NBR1: variants seen among roughly 807,000 people sequenced by gnomAD.
The protein encoded by NBR1 is next to BRCA1 gene 1 protein.
Under a neutral mutation model 115.5 loss-of-function variants are expected in NBR1, and 59 were observed. The observed-to-expected ratio is 0.51, with a 90% CI of 0.41 to 0.63. The LOEUF (loss-of-function observed/expected upper bound fraction) is 0.63, where lower values mean the gene tolerates loss of function less well. Among genes scored for constraint, NBR1 ranks in the 30% least tolerant of loss-of-function variants. The probability of loss-of-function intolerance (pLI) is 0.00; values close to 1 mark genes in which losing one functional copy is unlikely to be tolerated. For synonymous variants in NBR1, 373 were observed against 414.7 expected (o/e 0.90, Z 1.22); for missense variants, 1,043 against 1,150.5 (o/e 0.91, Z 1.35).
chr17:43,177,282 A>AG, intron 2 of NBR1, among the ~76,000 whole-genome samples: 1 of 147,880 alleles, frequency 6.8e-6, no homozygotes, highest in Middle Eastern at 3.5e-3. Context: ...AAAAAAAAAA[A>AG]AAAAAAGATA....
rs1482728812 is a variant in NBR1, at chr17:43,211,292, A to T, written c.*1218A>T. 2.6e-5 allele frequency: 4 copies of T among 152,732 alleles called. No homozygotes were observed. Among genetic ancestry groups the T allele is most frequent in the Non-Finnish European group, 4.4e-5 (3 of 68,080 alleles). The allele number at this position is 152,732 out of a possible 1,614,324, so 9.5% of individuals were successfully genotyped here. A position where few individuals can be genotyped will look rare whatever the true frequency, so the allele number is the denominator to read the frequency against. On this transcript the variant is annotated 3_prime_UTR_variant, in exon 21 of 21. Coordinates refer to ENST00000590996, the MANE Select transcript of NBR1 (RefSeq NM_005899.5). ...GCTAAATATTTTATCCATGAAAATG[A>T]CTTCCAGAAAAGGAAGAATATGAAC...
At chr17:43,188,136 C>T (rs902036094) in intron 6 of NBR1, among the ~76,000 whole-genome samples, 5 of 151,830 alleles carry the variant, frequency 3.3e-5, no homozygotes, top group South Asian at 2.1e-4. Context: ...GTGGTCCACC[C>T]GCCTCAGCCT....
intron 16 of NBR1, among the ~76,000 whole-genome samples, chr17:43,198,898 G>C (rs545564962): frequency 1.3e-5 from 2 of 152,080 alleles, no homozygotes; most frequent in South Asian, 4.1e-4. Context: ...GGGAGGTGCA[G>C]CTTGCAGTGA....
At chr17:43,202,135 G>T (rs929627294) in intron 18 of NBR1, among the ~76,000 whole-genome samples, 1 of 137,786 alleles carries the variant, frequency 7.3e-6, no homozygotes, top group Non-Finnish European at 1.5e-5. Context: ...AGCCGAGATC[G>T]CACCATTGCT....
intron 1 of NBR1, among the ~76,000 whole-genome samples, chr17:43,172,777 A>G (rs1306693350): frequency 1.3e-5 from 2 of 152,196 alleles, no homozygotes; most frequent in African/African-American, 4.8e-5. Flanking sequence ...GCAGTGCATT[A>G]CATTGTGGAA....
chr17:43,189,622 A>C lies in NBR1; in HGVS notation c.515A>C (p.Lys172Thr). 1 of 1,614,026 alleles carries C rather than the reference A, an allele frequency of 6.2e-7. No individual in the cohort carries two copies. The highest frequency in any genetic ancestry group is 8.5e-7 in the Non-Finnish European group (1 of 1,179,874). ...REQVVNETVE[K>T]LEQKLHEKLV... ...CAAGTGGTTAACGAAACGGTTGAGAAGCTTGAACAGAAATTACATGAAAAG... is the reference window on the plus strand; with the variant it reads ...CAAGTGGTTAACGAAACGGTTGAGACGCTTGAACAGAAATTACATGAAAAG... Residue 172 changes from lysine (K) to threonine (T), a missense_variant, in exon 8 of 21, where the codon AAG (lysine) becomes ACG (threonine). Lys to Thr is a moderately conservative substitution (Grantham distance 78). Transcript: ENST00000590996.
chr17:43,200,064 T>C, intron 16 of NBR1, 103 bp from the exon 17 acceptor site: 1 of 946,668 alleles, frequency 1.1e-6, no homozygotes. Context: ...CTCCTCTGGC[T>C]TTCATAATTC....
In NBR1 at chr17:43,196,572, A is replaced by G. The variant is rs772286872; in HGVS notation, c.1842A>G (p.Ala614=). 1.2e-6 allele frequency: 2 copies of G among 1,602,522 alleles called. No individual in the cohort carries two copies. Among genetic ancestry groups the G allele is most frequent in the South Asian group, 2.3e-5 (2 of 88,790 alleles). Residue 614 remains alanine (A), a synonymous_variant, in exon 15 of 21, where the codon GCA becomes GCG. Transcript: ENST00000590996. The stretch of plus-strand genomic sequence containing the variant: ...AGATAGAGGAAGAGAATGAAGGGGC[A>G]GGATTTAAAGCACTTCCTGGTAAGG... ...LGQIEEENEG[A]GFKALPDSMV...
intron 1 of NBR1, among the ~76,000 whole-genome samples, chr17:43,173,263 A>T (rs1231818980): frequency 6.6e-6 from 1 of 152,170 alleles, no homozygotes; most frequent in East Asian, 1.9e-4. Flanking sequence ...GATTACCAGC[A>T]TCAGCCACCA....
intron 16 of NBR1, among the ~76,000 whole-genome samples, chr17:43,197,851 T>A (rs915214474): frequency 6.6e-6 from 1 of 152,192 alleles, no homozygotes; most frequent in Non-Finnish European, 1.5e-5. Flanking sequence ...TAAATTCTGC[T>A]GTAATAAATA....
At chr17:43,202,520 C>G in intron 18 of NBR1, 135 bp from the exon 19 acceptor site, 1 of 525,288 alleles carries the variant, frequency 1.9e-6, no homozygotes, top group East Asian at 3.3e-5. Context: ...TTCCCAAATA[C>G]TTTAAAAAAA....
intron 9 of NBR1, 68 bp from the exon 10 acceptor site, chr17:43,191,304 A>G: frequency 2.6e-6 from 3 of 1,166,904 alleles, no homozygotes; most frequent in Non-Finnish European, 3.7e-6. Context: ...GGAAATTGCA[A>G]TTGGCTCCAC....
intron 20 of NBR1, among the ~76,000 whole-genome samples, chr17:43,209,319 G>A (rs1409530213): frequency 2.0e-5 from 3 of 151,696 alleles, no homozygotes; most frequent in Admixed American, 1.3e-4. Flanking sequence ...CTCATGATCC[G>A]CCCGCCTCAG....
chr17:43,194,651 G>A, intron 13 of NBR1, 152 bp downstream of exon 13: 6 of 869,132 alleles, frequency 6.9e-6, no homozygotes. Flanking sequence ...ACCCATGGAA[G>A]CAAGTTTGTA....
chr17:43,195,872 C>T (rs2057056285), intron 14 of NBR1: 1 of 152,316 alleles, frequency 6.6e-6, no homozygotes, highest in African/African-American at 2.4e-5. Flanking sequence ...GCCTGTAATC[C>T]CAGCACTTTG....
chr17:43,176,075 C>A, intron 2 of NBR1, 174 bp downstream of exon 2: 1 of 485,104 alleles, frequency 2.1e-6, no homozygotes, highest in Admixed American at 3.9e-5. Flanking sequence ...GAGATGTGCC[C>A]CAATAAAGGG....
At chr17:43,207,419 T>A (rs567765421) in intron 20 of NBR1, among the ~76,000 whole-genome samples, 3 of 152,334 alleles carry the variant, frequency 2.0e-5, no homozygotes, top group Non-Finnish European at 4.4e-5. Flanking sequence ...GTGCAATAAC[T>A]AGATTGTAGC....
chr17:43,187,933 C>G (rs1239791017), intron 6 of NBR1, among the ~76,000 whole-genome samples: 1 of 138,590 alleles, frequency 7.2e-6, no homozygotes, highest in East Asian at 2.1e-4. Context: ...CTCTGTCGCC[C>G]AGGCTGGAGT....
At chr17:43,174,109 T>G (rs2154581898) in intron 1 of NBR1, among the ~76,000 whole-genome samples, 1 of 152,274 alleles carries the variant, frequency 6.6e-6, no homozygotes, top group African/African-American at 2.4e-5. Flanking sequence ...TAGAGGTACA[T>G]ACTCAATTCT....
Sources: allele counts gnomAD v4.1 joint callset (sites outside exome capture counted in the v4.1 genomes callset), GRCh38; gene constraint gnomAD v4.1.1; transcripts MANE v1.5; gene names NCBI Gene and HGNC (gene_info 2026-07-23, HGNC 2026-07-21).